The following SLIT2 variants were observed in gnomAD, a reference collection of about 807,000 sequenced individuals.
SLIT2 encodes slit guidance ligand 2, also known as slit homolog 2 protein.
SLIT2 carries 41 observed loss-of-function variants against 185.7 expected under a neutral mutation model. The ratio of observed to expected loss-of-function variants is 0.22; its 90% CI spans 0.17 to 0.29. The LOEUF (loss-of-function observed/expected upper bound fraction) is 0.29. Among genes scored for constraint, SLIT2 ranks in the 10% least tolerant of loss-of-function variants. The probability of loss-of-function intolerance (pLI) is 1.00; values close to 1 mark genes in which losing one functional copy is unlikely to be tolerated. For missense variants in SLIT2, 1,571 were observed against 1,909.0 expected (o/e 0.82, Z 3.30); for synonymous variants, 693 against 680.2 (o/e 1.02, Z -0.29).
At chr4:20,609,183 C>A (rs1729022830) in intron 33 of SLIT2, among the ~76,000 whole-genome samples, 1 of 152,076 alleles carries the variant, frequency 6.6e-6, no homozygotes, top group Non-Finnish European at 1.5e-5. Flanking sequence ...ATTTTTTAAT[C>A]CTCATTTTCC....
chr4:20,387,221 T>C (rs1325587197), intron 4 of SLIT2, among the ~76,000 whole-genome samples: 1 of 152,180 alleles, frequency 6.6e-6, no homozygotes, highest in Non-Finnish European at 1.5e-5. Flanking sequence ...TCCTTTACAC[T>C]GTTAAACATT....
intron 29 of SLIT2, among the ~76,000 whole-genome samples, chr4:20,580,661 C>T (rs1332302327): frequency 6.6e-6 from 1 of 152,156 alleles, no homozygotes; most frequent in Non-Finnish European, 1.5e-5. Flanking sequence ...ACCAGCTCCC[C>T]TCCAACAGAG....
intron 26 of SLIT2, among the ~76,000 whole-genome samples, chr4:20,555,176 G>A (rs984964382): frequency 6.6e-6 from 1 of 152,082 alleles, no homozygotes; most frequent in African/African-American, 2.4e-5. Context: ...CATGTTTTAT[G>A]TGCAAAACTC....
chr4:20,589,732 A>T lies in SLIT2; in HGVS notation c.3177A>T (p.Gly1059=). The part of the protein sequence containing the change: ...HDSKCILTPK[G]FKCDCTPGYV... ...CAAAGTGCATCCTAACTCCAAAGGG[A>T]TTCAAGTAAGTCAAAAGCTACCTTT... The change falls in exon 30 of 37, where the codon GGA becomes GGT. Residue 1059 remains glycine, a synonymous_variant. Coordinates refer to ENST00000504154, the MANE Select transcript of SLIT2 (RefSeq NM_004787.4). 2 of 1,612,880 alleles carry T rather than the reference A, an allele frequency of 1.2e-6. No individual in the cohort carries two copies. Among genetic ancestry groups the T allele is most frequent in the Non-Finnish European group, 1.7e-6 (2 of 1,179,288 alleles).
At chr4:20,377,768 G>A (rs1724150149) in intron 4 of SLIT2, among the ~76,000 whole-genome samples, 2 of 152,088 alleles carry the variant, frequency 1.3e-5, no homozygotes, top group African/African-American at 4.8e-5. Flanking sequence ...ATTTGAAGGA[G>A]GTAGTTGGTT....
intron 30 of SLIT2, among the ~76,000 whole-genome samples, chr4:20,591,725 A>C (rs1395818973): frequency 1.3e-5 from 2 of 151,830 alleles, no homozygotes; most frequent in Non-Finnish European, 2.9e-5. Flanking sequence ...CATAATAAAT[A>C]TCATTTCTTA....
chr4:20,313,812 T>C (rs1718337546), intron 4 of SLIT2, among the ~76,000 whole-genome samples: 1 of 152,118 alleles, frequency 6.6e-6, no homozygotes, highest in Admixed American at 6.5e-5. Flanking sequence ...GCTGCTGATC[T>C]GAACACGAGG....
At chr4:20,266,909 T>G (rs533498338) in intron 3 of SLIT2, among the ~76,000 whole-genome samples, 1 of 152,132 alleles carries the variant, frequency 6.6e-6, no homozygotes, top group East Asian at 1.9e-4. Context: ...TAAAGAGAAC[T>G]GCCTCTGCAG....
At chr4:20,463,993 C>T (rs1714071736) in intron 4 of SLIT2, among the ~76,000 whole-genome samples, 2 of 152,074 alleles carry the variant, frequency 1.3e-5, no homozygotes, top group Non-Finnish European at 2.9e-5. Context: ...CCCCTGTGAC[C>T]TCTCTGTCCC....
intron 11 of SLIT2, among the ~76,000 whole-genome samples, chr4:20,514,372 G>A (rs1162629756): frequency 1.3e-5 from 2 of 152,128 alleles, no homozygotes; most frequent in Non-Finnish European, 2.9e-5. Context: ...CAGGCGTGGT[G>A]GCTCATGCCT....
In SLIT2 at chr4:20,472,613, T is replaced by G. The variant is rs796496894; in HGVS notation, c.467+4790T>G. ...AGATATATATCTATAGATATATCTA[T>G]ATATATCGATATATCTATATATATC... On this transcript the variant is annotated intron_variant, in intron 5 of 36. Transcript: ENST00000504154. Among the ~76,000 whole-genome samples, 36 of 104,330 alleles carry G rather than the reference T, an allele frequency of 3.5e-4. 11 individuals carry two copies. The highest frequency in any genetic ancestry group is 5.6e-4 in the Non-Finnish European group (29 of 51,600). 68.4% of individuals were successfully genotyped at this position (104,330 alleles called of 152,430 possible).
intron 29 of SLIT2, among the ~76,000 whole-genome samples, chr4:20,581,349 C>CT (rs1458584623): frequency 6.6e-6 from 1 of 152,118 alleles, no homozygotes; most frequent in Non-Finnish European, 1.5e-5. Flanking sequence ...AGTAAAAACT[C>CT]TATCTCAAAA....
At chr4:20,383,005 C>A (rs751039012) in intron 4 of SLIT2, among the ~76,000 whole-genome samples, 8 of 152,094 alleles carry the variant, frequency 5.3e-5, no homozygotes, top group Non-Finnish European at 1.0e-4. Flanking sequence ...TAACCACATA[C>A]ATGGTTAGTC....
At chr4:20,594,579 G>C (rs1399612640) in intron 30 of SLIT2, among the ~76,000 whole-genome samples, 1 of 151,928 alleles carries the variant, frequency 6.6e-6, no homozygotes, top group Non-Finnish European at 1.5e-5. Context: ...GGGATTCTAT[G>C]GTCCCCTATA....
intron 4 of SLIT2, among the ~76,000 whole-genome samples, chr4:20,403,551 T>C (rs907688017): frequency 5.3e-5 from 8 of 151,930 alleles, no homozygotes; most frequent in Non-Finnish European, 8.8e-5. Flanking sequence ...TCTAGTCCCA[T>C]TGGGGAAATT....
chr4:20,578,812 G>A (rs1487539039), intron 29 of SLIT2, among the ~76,000 whole-genome samples: 3 of 152,168 alleles, frequency 2.0e-5, no homozygotes, highest in Admixed American at 6.5e-5. Flanking sequence ...CATCCATTTA[G>A]TGTAAAACAA....
At chr4:20,471,382 C>G (rs1377313341) in intron 5 of SLIT2, among the ~76,000 whole-genome samples, 1 of 151,988 alleles carries the variant, frequency 6.6e-6, no homozygotes, top group Non-Finnish European at 1.5e-5. Context: ...CGTCATGGCT[C>G]AATACATTTC....
At chr4:20,266,629 C>T (rs1713061141) in intron 3 of SLIT2, among the ~76,000 whole-genome samples, 1 of 151,992 alleles carries the variant, frequency 6.6e-6, no homozygotes, top group Non-Finnish European at 1.5e-5. Context: ...GCAGGCTGCT[C>T]TCTTTGGCTT....
At chr4:20,501,011 AC>A (rs2148812929) in intron 9 of SLIT2, among the ~76,000 whole-genome samples, 1 of 152,294 alleles carries the variant, frequency 6.6e-6, no homozygotes, top group African/African-American at 2.4e-5. Flanking sequence ...GGTTAGAAAA[AC>A]AAAATGCAAT....
Sources: gnomAD v4.1 joint callset for allele counts (sites outside exome capture counted in the v4.1 genomes callset) on GRCh38, gnomAD v4.1.1 for gene constraint, MANE v1.5 for transcripts, NCBI Gene and HGNC (gene_info 2026-07-23, HGNC 2026-07-21) for gene names.